EHMT1: variants seen among roughly 807,000 people sequenced by gnomAD.
EHMT1 encodes the protein histone-lysine N-methyltransferase EHMT1.
A neutral mutation model predicts 147.2 loss-of-function variants in EHMT1; 15 were observed. The ratio of observed to expected loss-of-function variants is 0.10; its 90% CI spans 0.07 to 0.16. The LOEUF is 0.16. Ranked by LOEUF, EHMT1 falls within the 10% of genes least tolerant of loss-of-function variation. The pLI is 1.00. For missense variants in EHMT1, 1,587 were observed against 1,772.4 expected, an observed-to-expected ratio of 0.90 and a Z score of 1.88; for synonymous variants, 795 against 709.6, an observed-to-expected ratio of 1.12 and a Z score of -1.91.
chr9:137,715,849 C>T, intron 2 of EHMT1: 2 of 984,534 alleles, frequency 2.0e-6, no homozygotes, highest in Non-Finnish European at 2.4e-6. Flanking sequence ...AATAACACTC[C>T]ATGTTTTATT....
At chr9:137,690,410 G>A (rs1194075351) in intron 1 of EHMT1, among the ~76,000 whole-genome samples, 3 of 150,854 alleles carry the variant, frequency 2.0e-5, no homozygotes, top group African/African-American at 4.9e-5. Flanking sequence ...TTGAGAGGCC[G>A]AAGTGGGAAG....
At chr9:137,685,901 A>G (rs1942382635) in intron 1 of EHMT1, among the ~76,000 whole-genome samples, 1 of 152,102 alleles carries the variant, frequency 6.6e-6, no homozygotes, top group Non-Finnish European at 1.5e-5. Context: ...TCTTTTGCCC[A>G]TTTTGGAATT....
chr9:137,712,064 T>G (rs9410118), intron 2 of EHMT1, among the ~76,000 whole-genome samples: 1 of 152,144 alleles, frequency 6.6e-6, no homozygotes, highest in African/African-American at 2.4e-5. Context: ...CCCTCCAGGG[T>G]TGCCCCCACC....
intron 15 of EHMT1, among the ~76,000 whole-genome samples, chr9:137,789,720 G>T (rs772504986): frequency 4.6e-5 from 7 of 152,136 alleles, no homozygotes; most frequent in South Asian, 2.1e-4. Context: ...CTGTTTTGTG[G>T]TTTTTTGTTT....
chr9:137,819,845 T>C (rs1346330733), intron 25 of EHMT1, among the ~76,000 whole-genome samples: 1 of 151,814 alleles, frequency 6.6e-6, no homozygotes. Context: ...CAGGGGCCAC[T>C]CCGGGAGCCT....
At chr9:137,743,778 C>A in intron 5 of EHMT1, 124 bp from the exon 6 acceptor site, 2 of 1,259,086 alleles carry the variant, frequency 1.6e-6, no homozygotes, top group Non-Finnish European at 2.2e-6. Flanking sequence ...GGCACCTCTT[C>A]GTGTGTCCCC....
chr9:137,645,302 A>G (rs886291831), intron 1 of EHMT1, among the ~76,000 whole-genome samples: 1 of 152,196 alleles, frequency 6.6e-6, no homozygotes. Context: ...ATTGATTTAC[A>G]TATGTTTTTG....
intron 1 of EHMT1, among the ~76,000 whole-genome samples, chr9:137,686,730 C>CTTTTTTTT (rs34204547): frequency 9.0e-6 from 1 of 111,010 alleles, no homozygotes; most frequent in Non-Finnish European, 1.9e-5. Flanking sequence ...CTCATTCTTT[C>CTTTTTTTT]TTTTTTTTTT....
chr9:137,747,893 G>A (rs1453627318), intron 6 of EHMT1: 2 of 151,814 alleles, frequency 1.3e-5, no homozygotes, highest in Admixed American at 6.6e-5. Context: ...TAGGATGGTC[G>A]TGTTTGAAGT....
At chr9:137,655,266 C>T (rs1383771875) in intron 1 of EHMT1, among the ~76,000 whole-genome samples, 1 of 152,194 alleles carries the variant, frequency 6.6e-6, no homozygotes, top group Non-Finnish European at 1.5e-5. Flanking sequence ...GTCTGCCCGC[C>T]TCAGCCTCCC....
chr9:137,831,184 G>A (rs1021787412), intron 25 of EHMT1, among the ~76,000 whole-genome samples: 1 of 152,232 alleles, frequency 6.6e-6, no homozygotes, highest in African/African-American at 2.4e-5. Flanking sequence ...CTGTGAGTCT[G>A]GTCGGGGGGC....
At chr9:137,796,823 G>A (rs930979219) in intron 16 of EHMT1, among the ~76,000 whole-genome samples, 1 of 151,266 alleles carries the variant, frequency 6.6e-6, no homozygotes, top group Non-Finnish European at 1.5e-5. Flanking sequence ...ACACAGGACT[G>A]AGGGACCATC....
intron 1 of EHMT1, among the ~76,000 whole-genome samples, chr9:137,681,687 G>C (rs887380855): frequency 2.0e-5 from 3 of 152,014 alleles, no homozygotes; most frequent in Admixed American, 6.6e-5. Flanking sequence ...AGTTTCCCAT[G>C]AGGCACAGCT....
At chr9:137,821,803 G>A (rs144603973) in intron 25 of EHMT1, among the ~76,000 whole-genome samples, 1 of 152,232 alleles carries the variant, frequency 6.6e-6, no homozygotes, top group East Asian at 1.9e-4. Flanking sequence ...TCATGAACAT[G>A]GTATATCTCT....
At chr9:137,788,382 G>A (rs1051103514) in intron 15 of EHMT1, 11 of 323,374 alleles carry the variant, frequency 3.4e-5, no homozygotes, top group East Asian at 1.1e-4. Flanking sequence ...CGCCTCAGCC[G>A]GGGTGACGCT....
chr9:137,766,589 T>C (rs1383247144), intron 10 of EHMT1, among the ~76,000 whole-genome samples: 1 of 152,232 alleles, frequency 6.6e-6, no homozygotes, highest in Non-Finnish European at 1.5e-5. Context: ...TTCTTCAGCC[T>C]GGGCGACAGA....
rs892250040 is a variant in EHMT1, at chr9:137,834,478, A to G, written c.3670A>G (p.Ile1224Val). 6.2e-7 allele frequency: 1 copy of G among 1,612,624 alleles called. No homozygotes were observed. The highest frequency in any genetic ancestry group is 8.5e-7 in the Non-Finnish European group (1 of 1,179,782). ...MAHQDLRFPRIAFFSTRLIEA... is the reference protein window; with the variant it reads ...MAHQDLRFPRVAFFSTRLIEA... ...CCACCAGGACCTGCGGTTCCCCCGG[A>G]TCGCCTTCTTCAGCACCCGCCTGAT... The change falls in exon 26 of 27, where the codon ATC (isoleucine) becomes GTC (valine). Residue 1224 changes from isoleucine to valine, a missense_variant. By Grantham distance (29) the Ile-to-Val change is conservative. Around this residue, in one of 7 missense-constraint regions of EHMT1, gnomAD observed 141 missense variants for 150.8 expected, o/e 0.94. Transcript: ENST00000460843.
At chr9:137,662,430 T>C (rs1218060150) in intron 1 of EHMT1, among the ~76,000 whole-genome samples, 1 of 152,124 alleles carries the variant, frequency 6.6e-6, no homozygotes, top group Admixed American at 6.5e-5. Flanking sequence ...ACTCCTGGGC[T>C]CAAGTGATCT....
chr9:137,710,723 G>A (rs538497120), intron 1 of EHMT1, among the ~76,000 whole-genome samples: 14 of 152,228 alleles, frequency 9.2e-5, no homozygotes, highest in Admixed American at 3.3e-4. Flanking sequence ...ACATGAATGC[G>A]TTCTTATTGT....
Sources: allele counts gnomAD v4.1 joint callset (sites outside exome capture counted in the v4.1 genomes callset), GRCh38; gene constraint gnomAD v4.1.1; regional missense constraint gnomAD v4.1.1; transcripts MANE v1.5; gene names NCBI Gene and HGNC (gene_info 2026-07-23, HGNC 2026-07-21).